Variants in TAF4 observed in about 807,000 individuals in gnomAD.
TAF4 encodes TATA-box binding protein associated factor 4, also known as transcription initiation factor TFIID subunit 4.
Under a neutral mutation model 90.3 loss-of-function variants are expected in TAF4, and 9 were observed. That is an observed-to-expected ratio of 0.10 (90% CI 0.06 to 0.17). The LOEUF (loss-of-function observed/expected upper bound fraction) is 0.17, where lower values mean the gene tolerates loss of function less well. Ranked by LOEUF, TAF4 falls within the 10% of genes least tolerant of loss-of-function variation. The probability of loss-of-function intolerance (pLI) is 1.00; values close to 1 mark genes in which losing one functional copy is unlikely to be tolerated. For synonymous variants in TAF4, 818 were observed against 638.9 expected, an observed-to-expected ratio of 1.28 and a Z score of -4.23; for missense variants, 1,351 against 1,370.7, an observed-to-expected ratio of 0.99 and a Z score of 0.23.
chr20:61,995,993 T>A (rs1396743385), intron 14 of TAF4, among the ~76,000 whole-genome samples: 3 of 152,060 alleles, frequency 2.0e-5, no homozygotes, highest in Non-Finnish European at 4.4e-5. Context: ...CTGAATATCC[T>A]GAGAACCACA....
At chr20:61,987,372 C>G (rs907735979) in intron 14 of TAF4, among the ~76,000 whole-genome samples, 7 of 152,206 alleles carry the variant, frequency 4.6e-5, no homozygotes, top group Non-Finnish European at 5.9e-5. Flanking sequence ...GTCGAGGACA[C>G]TGGTAAGAAT....
At chr20:61,998,098 C>T (rs527438780) in intron 13 of TAF4, 38 bp downstream of exon 13, 2 of 1,607,996 alleles carry the variant, frequency 1.2e-6, no homozygotes, top group South Asian at 1.1e-5. Context: ...CAGTGCACAG[C>T]AAAGTGCCCA....
intron 1 of TAF4, among the ~76,000 whole-genome samples, chr20:62,046,972 T>C: frequency 6.6e-6 from 1 of 152,228 alleles, no homozygotes; most frequent in East Asian, 1.9e-4. Context: ...AGTTCTTTGT[T>C]AGATATAAAT....
chr20:62,029,466 G>C (rs2055891801), intron 1 of TAF4, among the ~76,000 whole-genome samples: 1 of 141,892 alleles, frequency 7.0e-6, no homozygotes, highest in Non-Finnish European at 1.5e-5. Flanking sequence ...CCAGGGCCCA[G>C]TGCCCACGTG....
Position 62,010,092 on chromosome 20 carries a change from G to A in TAF4, c.1715C>T (p.Pro572Leu). ...GTATAVQTGTPQRTVPGATTT... is the reference protein window; with the variant it reads ...GTATAVQTGTLQRTVPGATTT... ...GGTCGCCCCTGGTACCGTGCGCTGA[G>A]GAGTCCCCGTCTGAACAGCCGTCGC... Residue 572 changes from proline (P) to leucine (L), a missense_variant, in exon 4 of 15, where the codon CCT becomes CTT. Physicochemically the swap from Pro to Leu is moderately conservative, Grantham distance 98. Transcript: ENST00000252996. The surrounding 1 kb of genome is among the most constrained non-coding windows in gnomAD (Gnocchi z 4.5). 1 of 1,613,872 alleles carries A rather than the reference G, an allele frequency of 6.2e-7. No homozygotes were observed. Among genetic ancestry groups the A allele is most frequent in the Non-Finnish European group, 8.5e-7 (1 of 1,180,028 alleles).
intron 2 of TAF4, among the ~76,000 whole-genome samples, chr20:62,014,130 G>A (rs1600844237): frequency 2.0e-5 from 3 of 151,968 alleles, no homozygotes; most frequent in South Asian, 4.2e-4. Context: ...AGGACTCTTG[G>A]TGCCTTAAAA....
At chr20:62,030,661 C>T (rs2055899746) in intron 1 of TAF4, among the ~76,000 whole-genome samples, 1 of 152,156 alleles carries the variant, frequency 6.6e-6, no homozygotes, top group African/African-American at 2.4e-5. Flanking sequence ...CTCCAATTTT[C>T]CAATTAACAT....
At chr20:62,025,320 T>C (rs1358400168) in intron 1 of TAF4, among the ~76,000 whole-genome samples, 1 of 152,212 alleles carries the variant, frequency 6.6e-6, no homozygotes. Context: ...CTGGTGTATC[T>C]ATAATGGAAA....
Position 62,046,907 on chromosome 20 carries a change from G to A in TAF4, c.1360+17544C>T, listed in dbSNP as rs568803187. 3.9e-5 allele frequency among the ~76,000 whole-genome samples: 6 copies of A among 152,082 alleles called. No individual in the cohort carries two copies. The South Asian group carries it at 6.2e-4, about 16-fold the overall frequency. On this transcript the variant is annotated intron_variant, in intron 1 of 14. Transcript: ENST00000252996. ...TCAAACCTTCTGCCCATTTTTAACC[G>A]TTGTTTGTCGTCTTGTTATTTAGTC...
intron 8 of TAF4, 45 bp from the exon 9 acceptor site, chr20:62,003,319 G>A (rs756802980): frequency 4.1e-6 from 6 of 1,475,246 alleles, no homozygotes; most frequent in Non-Finnish European, 4.7e-6. Context: ...GCTTTTATTA[G>A]ATCAACTATG....
At chr20:61,998,282 A>G in intron 12 of TAF4, 90 bp from the exon 13 acceptor site, 1 of 1,329,814 alleles carries the variant, frequency 7.5e-7, no homozygotes, top group Non-Finnish European at 1.0e-6. Flanking sequence ...CTATACAATA[A>G]CATCTAGGTA....
At chr20:62,052,378 C>G (rs2056034056) in intron 1 of TAF4, among the ~76,000 whole-genome samples, 1 of 152,076 alleles carries the variant, frequency 6.6e-6, no homozygotes, top group Non-Finnish European at 1.5e-5. Flanking sequence ...GTCCTTTGAC[C>G]CCCTCACCAC....
rs892847785 is a variant in TAF4 at position 61,978,084 on chromosome 20, C to T, written c.3091-1749G>A. ...GCGCGACACCAACCAAGGGAGGGCG[C>T]GAGACCAACCAAGGGAGGGCGCGAG... On this transcript the variant is annotated intron_variant, in intron 14 of 14. Coordinates refer to ENST00000252996, the MANE Select transcript of TAF4 (RefSeq NM_003185.4). Among the ~76,000 whole-genome samples, 96 of 128,456 alleles carry T rather than the reference C, an allele frequency of 7.5e-4. 2 individuals carry two copies. Among genetic ancestry groups the T allele is most frequent in the African/African-American group, 2.6e-3 (94 of 35,628 alleles). The allele number at this position is 128,456 out of a possible 152,430, so 84.3% of individuals were successfully genotyped here.
chr20:61,975,084 T>C lies in TAF4; in HGVS notation c.*1084A>G, dbSNP rs2055484737. The stretch of plus-strand genomic sequence containing the variant: ...ACGGAGAAAGCCAGAGTATTTACAG[T>C]CATAAAAGTACTATCAATAGACAAT... On this transcript the variant is annotated 3_prime_UTR_variant, in exon 15 of 15. Transcript: ENST00000252996. The C allele has an allele frequency of 6.6e-6, 1 of 152,338 alleles. No individual in the cohort carries two copies. The highest frequency in any genetic ancestry group is 1.5e-5 in the Non-Finnish European group (1 of 68,020). 9.4% of individuals were successfully genotyped at this position (152,338 alleles called of 1,614,324 possible).
At chr20:62,024,022 G>A (rs578032708) in intron 1 of TAF4, among the ~76,000 whole-genome samples, 2 of 152,216 alleles carry the variant, frequency 1.3e-5, no homozygotes, top group East Asian at 1.9e-4. Context: ...AGACTGCAGT[G>A]AGCCGAGATC....
In TAF4 at chr20:62,013,912, T is replaced by G. The variant is rs960951769; in HGVS notation, c.1521+635A>C. ...GGCCCTGAAGGCTGACGCGGGTGTG[T>G]GTGTGTGTGTGTGTGTGTGTGTGTG... On this transcript the variant is annotated intron_variant, in intron 2 of 14. Coordinates refer to ENST00000252996, the MANE Select transcript of TAF4 (RefSeq NM_003185.4). 3.2e-4 allele frequency among the ~76,000 whole-genome samples: 35 copies of G among 110,570 alleles called. No individual in the cohort carries two copies. In the East Asian group the frequency reaches 6.1e-3, roughly 19 times the overall value. The allele number at this position is 110,570 out of a possible 152,430, so 72.5% of individuals were successfully genotyped here. A position where few individuals can be genotyped will look rare whatever the true frequency, so the allele number is the denominator to read the frequency against.
intron 14 of TAF4, among the ~76,000 whole-genome samples, chr20:61,988,900 C>T (rs1376465391): frequency 1.3e-5 from 2 of 152,158 alleles, no homozygotes; most frequent in African/African-American, 2.4e-5. Context: ...ACTCCACACA[C>T]GTTAACACTC....
At chr20:62,021,357 G>A (rs1304958231) in intron 1 of TAF4, among the ~76,000 whole-genome samples, 1 of 152,276 alleles carries the variant, frequency 6.6e-6, no homozygotes, top group Non-Finnish European at 1.5e-5. Flanking sequence ...GGGAGGAACA[G>A]GCATGGCCAG....
rs1433554838 is a variant in TAF4, at chr20:62,065,388, G to A, written c.423C>T (p.Pro141=). The A allele has an allele frequency of 3.1e-6, 3 of 972,294 alleles. No homozygotes were observed. The East Asian group carries it at 3.6e-4, about 116-fold the overall frequency. 60.2% of individuals were successfully genotyped at this position (972,294 alleles called of 1,614,324 possible). ...GCCCCGCGGCGACGGCGGCGGCGGC[G>A]GGCACCGGGGCGCAGGACCCCGCGC... ...EGSAGSCAPV[P]AAAAVAAGPE... is the part of the protein sequence containing the mutation. The change falls in exon 1 of 15, where the codon CCC becomes CCT. Residue 141 remains proline, a synonymous_variant. Coordinates refer to ENST00000252996, the MANE Select transcript of TAF4 (RefSeq NM_003185.4).
Sources: gnomAD v4.1 joint callset for allele counts (sites outside exome capture counted in the v4.1 genomes callset) on GRCh38, gnomAD v4.1.1 for gene constraint, Gnocchi (gnomAD v3.1) non-coding constraint, MANE v1.5 for transcripts, NCBI Gene and HGNC (gene_info 2026-07-23, HGNC 2026-07-21) for gene names.